FAM13A: variants seen among roughly 807,000 people sequenced by gnomAD.
FAM13A encodes family with sequence similarity 13 member A, also known as protein FAM13A.
FAM13A carries 76 observed loss-of-function variants against 129.6 expected under a neutral mutation model. The observed-to-expected ratio is 0.59, with a 90% CI of 0.49 to 0.71. The LOEUF (loss-of-function observed/expected upper bound fraction) is 0.71, where lower values mean the gene tolerates loss of function less well. Among genes scored for constraint, FAM13A ranks in the 30% least tolerant of loss-of-function variants. FAM13A has a pLI of 0.00. For missense variants in FAM13A, 1,108 were observed against 1,249.3 expected, an observed-to-expected ratio of 0.89 and a Z score of 1.70; for synonymous variants, 443 against 449.9, an observed-to-expected ratio of 0.98 and a Z score of 0.20.
At chr4:88,929,533 T>G (rs1432765160) in intron 5 of FAM13A, among the ~76,000 whole-genome samples, 1 of 152,156 alleles carries the variant, frequency 6.6e-6, no homozygotes, top group East Asian at 1.9e-4. Flanking sequence ...AATTTGTAAG[T>G]TCAGTCACTT....
At chr4:88,959,297 C>A (rs1258600933) in intron 4 of FAM13A, among the ~76,000 whole-genome samples, 1 of 152,050 alleles carries the variant, frequency 6.6e-6, no homozygotes, top group African/African-American at 2.4e-5. Flanking sequence ...TTGTCCCCAC[C>A]CAAATCTCAT....
intron 5 of FAM13A, among the ~76,000 whole-genome samples, chr4:88,934,235 A>G (rs1007316916): frequency 6.6e-6 from 1 of 152,202 alleles, no homozygotes; most frequent in African/African-American, 2.4e-5. Flanking sequence ...TACTTCACAG[A>G]ATATATCACC....
intron 11 of FAM13A, among the ~76,000 whole-genome samples, chr4:88,774,604 G>A (rs1057068829): frequency 1.3e-5 from 2 of 152,142 alleles, no homozygotes; most frequent in Non-Finnish European, 2.9e-5. Flanking sequence ...GAAAACAATT[G>A]TTTTGTAGCA....
intron 5 of FAM13A, chr4:88,937,086 G>T (rs1753974334): frequency 6.6e-6 from 1 of 152,104 alleles, no homozygotes; most frequent in South Asian, 2.1e-4. Context: ...TTCTAACTCA[G>T]ATTTACAACT....
At chr4:88,950,701 G>T (rs1249012150) in intron 4 of FAM13A, among the ~76,000 whole-genome samples, 1 of 152,190 alleles carries the variant, frequency 6.6e-6, no homozygotes, top group Non-Finnish European at 1.5e-5. Flanking sequence ...GTCACAGAAA[G>T]GAGCTGATTT....
intron 1 of FAM13A, among the ~76,000 whole-genome samples, chr4:89,033,828 G>A (rs913139477): frequency 6.6e-6 from 1 of 152,102 alleles, no homozygotes; most frequent in Admixed American, 6.6e-5. Context: ...ATAAACAAGG[G>A]GAAAGGGTCC....
chr4:88,780,076 A>G (rs925155568), intron 11 of FAM13A, among the ~76,000 whole-genome samples: 18 of 152,140 alleles, frequency 1.2e-4, no homozygotes, highest in African/African-American at 4.1e-4. Context: ...CAAACTTTAA[A>G]TTCTTTATTT....
chr4:88,846,161 T>C (rs958022586), intron 7 of FAM13A, among the ~76,000 whole-genome samples: 4 of 152,164 alleles, frequency 2.6e-5, no homozygotes, highest in African/African-American at 9.7e-5. Flanking sequence ...GCCATGAAGT[T>C]CTGTTTACAC....
chr4:88,844,667 T>C (rs903979183), intron 7 of FAM13A, among the ~76,000 whole-genome samples: 2 of 151,730 alleles, frequency 1.3e-5, no homozygotes, highest in African/African-American at 4.8e-5. Context: ...GGAAAGACAG[T>C]TGGAGAGGCA....
At chr4:88,928,392 A>G (rs1752536723) in intron 5 of FAM13A, among the ~76,000 whole-genome samples, 1 of 151,966 alleles carries the variant, frequency 6.6e-6, no homozygotes, top group Non-Finnish European at 1.5e-5. Flanking sequence ...TTTCTTTGTT[A>G]ATTTTCTGTC....
At chr4:88,815,986 TAA>T (rs34238768) in intron 7 of FAM13A, among the ~76,000 whole-genome samples, 8 of 142,736 alleles carry the variant, frequency 5.6e-5, no homozygotes, top group Admixed American at 7.1e-5. Flanking sequence ...GTTCTTTTTC[TAA>T]AAAAAAAAAA....
chr4:88,769,044 A>G (rs1014499573), intron 11 of FAM13A, among the ~76,000 whole-genome samples: 8 of 152,236 alleles, frequency 5.3e-5, no homozygotes, highest in African/African-American at 1.9e-4. Flanking sequence ...CATTAAAAGG[A>G]TATTAAGCAT....
At chr4:88,901,409 C>T (rs1747281761) in intron 6 of FAM13A, among the ~76,000 whole-genome samples, 4 of 152,068 alleles carry the variant, frequency 2.6e-5, no homozygotes, top group Admixed American at 2.6e-4. Flanking sequence ...CACTCCTCAA[C>T]AAATGCAGAA....
In FAM13A at chr4:88,797,668, T is replaced by G. The variant is rs191873860; in HGVS notation, c.1050-7041A>C. The stretch of plus-strand genomic sequence containing the variant: ...GACTGATTTTTAATCATTTCTCTTC[T>G]TTACTGCCTTCAACATAGTTTTTAA... On this transcript the variant is annotated intron_variant, in intron 8 of 23. Transcript: ENST00000264344. Among the ~76,000 whole-genome samples, 816 of 152,288 alleles carry G rather than the reference T, an allele frequency of 5.4e-3. 7 individuals carry two copies. The highest frequency in any genetic ancestry group is 6.4e-3 in the Non-Finnish European group (433 of 68,016).
chr4:88,822,152 C>T (rs1732079152), intron 7 of FAM13A, among the ~76,000 whole-genome samples: 1 of 152,016 alleles, frequency 6.6e-6, no homozygotes, highest in Non-Finnish European at 1.5e-5. Context: ...AATGCCACTG[C>T]ATGTAAAGCA....
rs1433452485 is a variant in FAM13A, at chr4:88,726,281, TC to T, written c.*2251del. On this transcript the variant is annotated 3_prime_UTR_variant, in exon 24 of 24. Transcript: ENST00000264344. ...GGGCTTCCTCTCATTTCTTCTGGGC[TC>T]CATTCCATGAAGAATATAAGTTAGT... 7.1e-6 allele frequency: 1 copy of T among 140,578 alleles called. No individual in the cohort carries two copies. Among genetic ancestry groups the T allele is most frequent in the Admixed American group, 7.1e-5 (1 of 14,104 alleles). The allele number at this position is 140,578 out of a possible 1,614,324, so 8.7% of individuals were successfully genotyped here. A position where few individuals can be genotyped will look rare whatever the true frequency, so the allele number is the denominator to read the frequency against.
intron 6 of FAM13A, among the ~76,000 whole-genome samples, chr4:88,867,247 T>C (rs1740605443): frequency 6.6e-6 from 1 of 152,244 alleles, no homozygotes. Context: ...AACTCATGCC[T>C]GAACAAAGCT....
At position 88,749,762 on chromosome 4, in the gene FAM13A, G is replaced by T. The variant is rs751011013; in HGVS notation, c.2079+9C>A. On this transcript the variant is annotated intron_variant, in intron 16 of 23. Coordinates refer to ENST00000264344, the MANE Select transcript of FAM13A (RefSeq NM_014883.4). ...TGAGGCGAAAAGAACAGTGTGAGGG[G>T]ACACTTACTCTGTACTTCTTCTCTT... 1 of 1,613,500 alleles carries T rather than the reference G, an allele frequency of 6.2e-7. No individual in the cohort carries two copies.
intron 6 of FAM13A, among the ~76,000 whole-genome samples, chr4:88,884,210 A>G (rs1424252111): frequency 6.6e-6 from 1 of 152,052 alleles, no homozygotes; most frequent in Admixed American, 6.6e-5. Flanking sequence ...TAACAAAAAA[A>G]AGAAAACAAC....
Sources: gnomAD v4.1 joint callset for allele counts (sites outside exome capture counted in the v4.1 genomes callset) on GRCh38, gnomAD v4.1.1 for gene constraint, MANE v1.5 for transcripts, NCBI Gene and HGNC (gene_info 2026-07-23, HGNC 2026-07-21) for gene names.